The following CPSF2 variants were observed in gnomAD, a reference collection of about 807,000 sequenced individuals.
The protein encoded by CPSF2 is cleavage and polyadenylation specificity factor subunit 2.
CPSF2 carries 51 observed loss-of-function variants against 84.2 expected under a neutral mutation model. The observed-to-expected ratio is 0.61, with a 90% confidence interval of 0.48 to 0.77. The LOEUF (loss-of-function observed/expected upper bound fraction) is 0.77, where lower values mean the gene tolerates loss of function less well. Among genes scored for constraint, CPSF2 ranks in the 30% least tolerant of loss-of-function variants. The pLI is 0.00. For synonymous variants in CPSF2, 286 were observed against 311.9 expected, an observed-to-expected ratio of 0.92 and a Z score of 0.87; for missense variants, 641 against 929.4, an observed-to-expected ratio of 0.69 and a Z score of 4.03.
rs921881537 is a variant in CPSF2 at position 92,169,576 on chromosome 14, A to G, written c.*7832A>G. 1 of 152,078 alleles carries G rather than the reference A, an allele frequency of 6.6e-6. No homozygotes were observed. The highest frequency in any genetic ancestry group is 1.5e-5 in the Non-Finnish European group (1 of 68,016). The allele number at this position is 152,078 out of a possible 1,614,324, so 9.4% of individuals were successfully genotyped here. A position where few individuals can be genotyped will look rare whatever the true frequency, so the allele number is the denominator to read the frequency against. ...TAAATATCAAAACATAAATGTCTAA[A>G]GAGATTGTGTAAATTCTTTATCAGT... is the stretch of plus-strand genomic sequence containing the variant. On this transcript the variant is annotated 3_prime_UTR_variant, in exon 16 of 16. Transcript: ENST00000298875.
intron 6 of CPSF2, among the ~76,000 whole-genome samples, chr14:92,137,750 G>A (rs898378567): frequency 6.6e-6 from 1 of 152,104 alleles, no homozygotes; most frequent in Non-Finnish European, 1.5e-5. Flanking sequence ...CGAAATATCA[G>A]TAAAGGGAAA....
At chr14:92,144,088 A>T (rs939925158) in intron 9 of CPSF2, among the ~76,000 whole-genome samples, 14 of 152,090 alleles carry the variant, frequency 9.2e-5, no homozygotes, top group African/African-American at 2.9e-4. Flanking sequence ...CTTATCTTCC[A>T]TTTGCAGTTT....
Position 92,138,304 on chromosome 14 carries a change from A to C in CPSF2, c.618A>C (p.Thr206=), listed in dbSNP as rs147424092. ...TTATCACAGATTCATTCAATGCTAC[A>C]TATGTACAGCCTAGAAGAAAACAGA... The part of the protein sequence containing the change: ...SLLITDSFNA[T]YVQPRRKQRD... Residue 206 remains threonine (T), a synonymous_variant, in exon 7 of 16, where the codon ACA becomes ACC. Coordinates refer to ENST00000298875, the MANE Select transcript of CPSF2 (RefSeq NM_017437.3). The C allele has an allele frequency of 6.2e-7, 1 of 1,607,306 alleles. No individual in the cohort carries two copies. Among genetic ancestry groups the C allele is most frequent in the East Asian group, 2.3e-5 (1 of 44,246 alleles).
intron 6 of CPSF2, among the ~76,000 whole-genome samples, chr14:92,137,757 G>A (rs2069019042): frequency 6.6e-6 from 1 of 152,162 alleles, no homozygotes. Context: ...TCAGTAAAGG[G>A]AAAGGATCAA....
At chr14:92,133,646 A>G (rs896643527) in intron 3 of CPSF2, among the ~76,000 whole-genome samples, 29 of 111,906 alleles carry the variant, frequency 2.6e-4, no homozygotes, top group African/African-American at 9.2e-4. Context: ...TGTATTTTTT[A>G]TAGAGAACGG....
chr14:92,131,484 G>C (rs1288499235), intron 3 of CPSF2, among the ~76,000 whole-genome samples: 1 of 152,112 alleles, frequency 6.6e-6, no homozygotes, highest in Non-Finnish European at 1.5e-5. Context: ...TACATCTTTT[G>C]ATGCTTAACA....
chr14:92,146,755 A>T (rs966521530), intron 9 of CPSF2, among the ~76,000 whole-genome samples: 2 of 152,132 alleles, frequency 1.3e-5, no homozygotes, highest in Non-Finnish European at 2.9e-5. Context: ...CTTCTCTTTC[A>T]ATAAAATCCA....
intron 1 of CPSF2, among the ~76,000 whole-genome samples, chr14:92,125,473 T>C (rs918546053): frequency 1.1e-4 from 17 of 152,150 alleles, no homozygotes; most frequent in African/African-American, 3.9e-4. Context: ...CTAAATACTT[T>C]CGCTTTTTAT....
At chr14:92,149,742 G>A (rs145180586) in intron 9 of CPSF2, among the ~76,000 whole-genome samples, 1,855 of 151,420 alleles carry the variant, frequency 0.012, 40 homozygotes, top group African/African-American at 0.042. Context: ...TGCAACCTCC[G>A]CCTCCCAGGT....
In CPSF2 at chr14:92,143,182, T is replaced by G; in HGVS notation, c.1028T>G (p.Ile343Ser). The change falls in exon 9 of 16, where the codon ATT becomes AGT. Residue 343 changes from isoleucine (I) to serine (S), a missense_variant. Around this residue, in one of 2 missense-constraint regions of CPSF2, gnomAD observed 430 missense variants for 553.6 expected, o/e 0.78. Coordinates refer to ENST00000298875, the MANE Select transcript of CPSF2 (RefSeq NM_017437.3). ...LECGFSRDLF[I>S]QWCQDPKNSI... The stretch of plus-strand genomic sequence containing the variant: ...TGCGGATTTTCAAGGGATCTCTTTA[T>G]TCAGTGGTGTCAGGACCCTAAAAAC... 6.2e-7 allele frequency: 1 copy of G among 1,614,106 alleles called. No homozygotes were observed. The highest frequency in any genetic ancestry group is 8.5e-7 in the Non-Finnish European group (1 of 1,180,002).
chr14:92,156,613 CAG>C lies in CPSF2; in HGVS notation c.1580_1581del (p.Glu527ValfsTer3). 2 of 1,590,666 alleles carry C rather than the reference CAG, an allele frequency of 1.3e-6. No individual in the cohort carries two copies. The highest frequency in any genetic ancestry group is 1.3e-5 in the African/African-American group (1 of 74,320). On this transcript the variant is annotated frameshift_variant, in exon 12 of 16. Coordinates refer to ENST00000298875, the MANE Select transcript of CPSF2 (RefSeq NM_017437.3). LOFTEE classifies it high-confidence loss of function. ...GTTCCTACTAAATGTATTTCTACAA[CAG>C]AGTCTATTGAAATAAAGTAAGTGCT...
chr14:92,124,577 T>C (rs1197954571), intron 1 of CPSF2, among the ~76,000 whole-genome samples: 1 of 152,198 alleles, frequency 6.6e-6, no homozygotes, highest in African/African-American at 2.4e-5. Flanking sequence ...ACCTGCACTT[T>C]AGGGGTGACA....
At chr14:92,123,364 A>AAAGTTCTGGG (rs2068803501) in intron 1 of CPSF2, among the ~76,000 whole-genome samples, 1 of 151,106 alleles carries the variant, frequency 6.6e-6, no homozygotes, top group African/African-American at 2.4e-5. Flanking sequence ...TCGGCCTCCC[A>AAAGTTCTGGG]AAGTTCTGGG....
intron 9 of CPSF2, among the ~76,000 whole-genome samples, chr14:92,144,077 A>G (rs751086499): frequency 1.3e-5 from 2 of 152,112 alleles, no homozygotes; most frequent in Non-Finnish European, 2.9e-5. Flanking sequence ...CTTCCTAGCT[A>G]CTTATCTTCC....
intron 2 of CPSF2, among the ~76,000 whole-genome samples, chr14:92,130,570 T>C (rs2141452766): frequency 6.6e-6 from 1 of 152,352 alleles, no homozygotes; most frequent in Admixed American, 6.5e-5. Flanking sequence ...TGTTTTTACA[T>C]GTATACTAAT....
chr14:92,156,360 A>C (rs1172091761), intron 11 of CPSF2, 119 bp from the exon 12 acceptor site: 4 of 725,242 alleles, frequency 5.5e-6, no homozygotes, highest in Non-Finnish European at 8.8e-6. Context: ...TTTGGATGAA[A>C]TGTATATTTA....
intron 9 of CPSF2, among the ~76,000 whole-genome samples, chr14:92,152,697 C>T (rs1192284510): frequency 1.3e-5 from 2 of 152,134 alleles, no homozygotes; most frequent in East Asian, 3.8e-4. Context: ...CCTCGACCTC[C>T]CAAAGTACTA....
chr14:92,139,065 C>CA (rs2069038732), intron 7 of CPSF2, among the ~76,000 whole-genome samples: 1 of 152,148 alleles, frequency 6.6e-6, no homozygotes, highest in South Asian at 2.1e-4. Context: ...CCCTGGCACT[C>CA]ACTGGCATAT....
rs189967377 is a variant in CPSF2 at position 92,143,819 on chromosome 14, A to G, written c.1140+525A>G. Among the ~76,000 whole-genome samples, 221 of 152,188 alleles carry G rather than the reference A, an allele frequency of 1.5e-3. 1 individual carries two copies. Among genetic ancestry groups the G allele is most frequent in the African/African-American group, 4.9e-3 (203 of 41,500 alleles). ...AAAGACGTTGTCTCATTATGTTGCC[A>G]TGGGTGGTCTCAAAAGAAATTCTCA... On this transcript the variant is annotated intron_variant, in intron 9 of 15. Coordinates refer to ENST00000298875, the MANE Select transcript of CPSF2 (RefSeq NM_017437.3).
Sources: gnomAD v4.1 joint callset for allele counts (sites outside exome capture counted in the v4.1 genomes callset) on GRCh38, gnomAD v4.1.1 for gene constraint, gnomAD v4.1.1 regional missense constraint, MANE v1.5 for transcripts, NCBI Gene and HGNC (gene_info 2026-07-23, HGNC 2026-07-21) for gene names.